The following STARD13 variants were observed in gnomAD, a reference collection of about 807,000 sequenced individuals.
STARD13 encodes stAR-related lipid transfer protein 13.
Under a neutral mutation model 106.4 loss-of-function variants are expected in STARD13, and 62 were observed. That is an observed-to-expected ratio of 0.58 (90% CI 0.48 to 0.72). The LOEUF (loss-of-function observed/expected upper bound fraction) is 0.72. STARD13 is among the 30% of genes least tolerant of loss of function. The pLI, the probability that STARD13 is intolerant of heterozygous loss-of-function variation, is 0.00. For missense variants in STARD13, 1,387 were observed against 1,424.0 expected (o/e 0.97, Z 0.42); for synonymous variants, 565 against 553.0 (o/e 1.02, Z -0.31).
At chr13:33,399,504 C>G in the STARD13 span, among the ~76,000 whole-genome samples, 12 of 151,840 alleles carry the variant, frequency 7.9e-5, no homozygotes, top group South Asian at 1.2e-3. Context: ...ACCATCCTGG[C>G]TAACACAGTG....
upstream of STARD13, among the ~76,000 whole-genome samples, chr13:33,288,384 C>A (rs1594223050): frequency 1.3e-5 from 2 of 152,004 alleles, no homozygotes; most frequent in African/African-American, 4.8e-5. Flanking sequence ...GATTCTCTTG[C>A]CTCAGCCTCC....
At chr13:33,382,515 G>T in the STARD13 span, among the ~76,000 whole-genome samples, 3 of 152,090 alleles carry the variant, frequency 2.0e-5, no homozygotes, top group East Asian at 1.9e-4. Flanking sequence ...CTTTCAGTAG[G>T]CTCTGAAATC....
chr13:33,240,683 T>A (rs1484623179), intron 1 of STARD13, among the ~76,000 whole-genome samples: 1 of 149,406 alleles, frequency 6.7e-6, no homozygotes, highest in East Asian at 1.9e-4. Flanking sequence ...TCCTTAAGTT[T>A]ATCCTTAAGT....
chr13:33,190,817 C>T (rs1323683538), intron 1 of STARD13, among the ~76,000 whole-genome samples: 1 of 152,058 alleles, frequency 6.6e-6, no homozygotes, highest in Non-Finnish European at 1.5e-5. Flanking sequence ...AACTCCTGAC[C>T]TTGTGATCCA....
chr13:33,622,222 G>A, the STARD13 span, among the ~76,000 whole-genome samples: 1 of 152,164 alleles, frequency 6.6e-6, no homozygotes, highest in Non-Finnish European at 1.5e-5. Flanking sequence ...TTTATGGGGC[G>A]AAAATAACCC....
chr13:33,595,752 T>C, the STARD13 span, among the ~76,000 whole-genome samples: 1 of 152,196 alleles, frequency 6.6e-6, no homozygotes, highest in Non-Finnish European at 1.5e-5. Context: ...TGGGTCAGCA[T>C]GGCATGGTTT....
the STARD13 span, among the ~76,000 whole-genome samples, chr13:33,655,009 G>A: frequency 6.6e-6 from 1 of 152,184 alleles, no homozygotes; most frequent in African/African-American, 2.4e-5. Flanking sequence ...CTCACCCCTG[G>A]AGGTGTGTTA....
At chr13:33,596,028 C>T in the STARD13 span, among the ~76,000 whole-genome samples, 1 of 152,132 alleles carries the variant, frequency 6.6e-6, no homozygotes. Flanking sequence ...CAGATATGAA[C>T]CAACTGACTA....
At chr13:33,342,589 C>A (rs530366004) in intron 1 of STARD13, among the ~76,000 whole-genome samples, 1 of 150,876 alleles carries the variant, frequency 6.6e-6, no homozygotes, top group South Asian at 2.1e-4. Flanking sequence ...GAAGGGCAGT[C>A]GCATGATCAT....
intron 1 of STARD13, among the ~76,000 whole-genome samples, chr13:33,315,632 TCCCAGA>T (rs1893304200): frequency 6.6e-6 from 1 of 152,132 alleles, no homozygotes; most frequent in Admixed American, 6.6e-5. Context: ...AGACAGAAGA[TCCCAGA>T]CTTTAGAATT....
chr13:33,572,872 A>G, the STARD13 span, among the ~76,000 whole-genome samples: 2 of 152,216 alleles, frequency 1.3e-5, no homozygotes, highest in Non-Finnish European at 2.9e-5. Context: ...ACATAGGTTG[A>G]ATGAAAATAC....
chr13:33,308,022 T>C (rs1646866279), intron 1 of STARD13, among the ~76,000 whole-genome samples: 1 of 152,206 alleles, frequency 6.6e-6, no homozygotes, highest in African/African-American at 2.4e-5. Flanking sequence ...ATTGGATTTC[T>C]TGGCCTTCAA....
chr13:33,216,374 C>A (rs941711015), intron 1 of STARD13, among the ~76,000 whole-genome samples: 4 of 152,198 alleles, frequency 2.6e-5, no homozygotes, highest in African/African-American at 9.6e-5. Flanking sequence ...CGATAGAATA[C>A]TACTCATCCA....
the STARD13 span, among the ~76,000 whole-genome samples, chr13:33,420,930 G>C: frequency 6.6e-6 from 1 of 152,106 alleles, no homozygotes; most frequent in Non-Finnish European, 1.5e-5. Context: ...AAACATACCA[G>C]ATCTCTGGGA....
chr13:33,229,853 C>A (rs982815456), intron 1 of STARD13, among the ~76,000 whole-genome samples: 12 of 152,218 alleles, frequency 7.9e-5, no homozygotes, highest in African/African-American at 2.7e-4. Context: ...CATTCAAAGG[C>A]AGCTCTCTTT....
chr13:33,541,581 C>A, the STARD13 span, among the ~76,000 whole-genome samples: 1 of 152,192 alleles, frequency 6.6e-6, no homozygotes, highest in Admixed American at 6.5e-5. Flanking sequence ...CAATTTCGGA[C>A]AATCTTTCTT....
intron 11 of STARD13, among the ~76,000 whole-genome samples, chr13:33,110,406 A>G (rs1874359431): frequency 6.6e-6 from 1 of 152,188 alleles, no homozygotes; most frequent in Non-Finnish European, 1.5e-5. Context: ...CCATTTTGCA[A>G]ATGGGAAAAC....
At chr13:33,482,267 G>A in the STARD13 span, among the ~76,000 whole-genome samples, 2 of 152,068 alleles carry the variant, frequency 1.3e-5, no homozygotes, top group African/African-American at 4.8e-5. Context: ...GTGTACGTGA[G>A]GGTTCATGGC....
At chr13:33,595,865 A>G in the STARD13 span, among the ~76,000 whole-genome samples, 1 of 152,204 alleles carries the variant, frequency 6.6e-6, no homozygotes, top group African/African-American at 2.4e-5. Context: ...AAACAAACAA[A>G]CAAAGAACCA....
Sources: gnomAD v4.1 joint callset for allele counts (sites outside exome capture counted in the v4.1 genomes callset) on GRCh38, gnomAD v4.1.1 for gene constraint, MANE v1.5 for transcripts, NCBI Gene and HGNC (gene_info 2026-07-23, HGNC 2026-07-21) for gene names.